LRP1B: variants seen among roughly 807,000 people sequenced by gnomAD.
The protein encoded by LRP1B is LDL receptor related protein 1B.
Under a neutral mutation model 556.6 loss-of-function variants are expected in LRP1B, and 217 were observed. The observed-to-expected ratio is 0.39, with a 90% CI of 0.35 to 0.44. The LOEUF is 0.44. Among genes scored for constraint, LRP1B ranks in the 20% least tolerant of loss-of-function variants. The probability of loss-of-function intolerance (pLI) is 1.00; values close to 1 mark genes in which losing one functional copy is unlikely to be tolerated. For synonymous variants in LRP1B, 2,047 were observed against 1,865.8 expected (o/e 1.10, Z -2.50); for missense variants, 5,053 against 5,620.8 (o/e 0.90, Z 3.23).
At chr2:142,040,158 G>T (rs1386883505) in intron 1 of LRP1B, among the ~76,000 whole-genome samples, 1 of 151,288 alleles carries the variant, frequency 6.6e-6, no homozygotes, top group Non-Finnish European at 1.5e-5. Flanking sequence ...TATATGTTTG[G>T]TGAACATAAT....
chr2:141,142,071 A>G (rs1237328112), intron 7 of LRP1B, among the ~76,000 whole-genome samples: 2 of 135,018 alleles, frequency 1.5e-5, no homozygotes. Context: ...TTATAAAGGC[A>G]TCAACAATCT....
chr2:140,775,685 A>T (rs972915228), intron 33 of LRP1B, among the ~76,000 whole-genome samples: 2 of 152,130 alleles, frequency 1.3e-5, no homozygotes, highest in Non-Finnish European at 2.9e-5. Flanking sequence ...AAAACAAAAA[A>T]GCAAAATGAT....
At chr2:141,312,419 A>G (rs1382074897) in intron 3 of LRP1B, among the ~76,000 whole-genome samples, 2 of 152,178 alleles carry the variant, frequency 1.3e-5, no homozygotes, top group African/African-American at 4.8e-5. Flanking sequence ...ATAACATACG[A>G]AATATGTGTT....
intron 46 of LRP1B, 152 bp from the exon 47 acceptor site, chr2:140,534,292 T>C: frequency 1.4e-6 from 1 of 736,268 alleles, no homozygotes; most frequent in Non-Finnish European, 2.1e-6. Flanking sequence ...TTAGAATGTT[T>C]ATGTGTTGTC....
At chr2:141,433,548 GTTGT>G (rs1216098199) in intron 3 of LRP1B, among the ~76,000 whole-genome samples, 3 of 152,046 alleles carry the variant, frequency 2.0e-5, no homozygotes, top group African/African-American at 7.2e-5. Context: ...TTTTTGCTAA[GTTGT>G]TTGTTGATAG....
rs186522324 is a variant in LRP1B at position 141,414,904 on chromosome 2, T to C, written c.343+65492A>G. On this transcript the variant is annotated intron_variant, in intron 3 of 90. Transcript: ENST00000389484. ...TGCACATATCTGGGCCTCCCAGGAGTTTGACAAATCTGATAAAATTGAAGT... is the reference window on the plus strand; with the variant it reads ...TGCACATATCTGGGCCTCCCAGGAGCTTGACAAATCTGATAAAATTGAAGT... 3.1e-3 allele frequency among the ~76,000 whole-genome samples: 467 copies of C among 152,306 alleles called. 10 individuals carry two copies. The highest frequency in any genetic ancestry group is 9.6e-4 in the Non-Finnish European group (65 of 68,028).
At chr2:141,403,172 T>A (rs1690506858) in intron 3 of LRP1B, among the ~76,000 whole-genome samples, 2 of 152,086 alleles carry the variant, frequency 1.3e-5, no homozygotes, top group Admixed American at 1.3e-4. Flanking sequence ...TAAGCTACTG[T>A]CACCTATGTA....
intron 41 of LRP1B, among the ~76,000 whole-genome samples, chr2:140,684,961 C>T (rs1459115148): frequency 6.6e-6 from 1 of 152,104 alleles, no homozygotes; most frequent in African/African-American, 2.4e-5. Context: ...CTTATTTTTG[C>T]TACTCATACA....
rs1553440025 is a variant in LRP1B, at chr2:141,639,349, T to TACACAC, written c.206-158822_206-158817dup. On this transcript the variant is annotated intron_variant, in intron 2 of 90. Coordinates refer to ENST00000389484, the MANE Select transcript of LRP1B (RefSeq NM_018557.3). ...ATATATATATATATATATATATATATACACACACACACACATATATATATA... is the reference window on the plus strand; with the variant it reads ...ATATATATATATATATATATATATATACACACACACACACACACACATATATATATA... Among the ~76,000 whole-genome samples the TACACAC allele has an allele frequency of 4.4e-3, 248 of 56,014 alleles. 8 individuals are homozygous for TACACAC. Among genetic ancestry groups the TACACAC allele is most frequent in the African/African-American group, 9.9e-3 (147 of 14,798 alleles). 36.7% of individuals were successfully genotyped at this position (56,014 alleles called of 152,430 possible).
intron 3 of LRP1B, among the ~76,000 whole-genome samples, chr2:141,372,485 ATTTGG>A (rs1222907348): frequency 6.6e-6 from 1 of 152,052 alleles, no homozygotes; most frequent in Non-Finnish European, 1.5e-5. Context: ...GTTTGGTAGA[ATTTGG>A]CTGTGCATCC....
chr2:140,351,116 T>A (rs533088948), intron 76 of LRP1B, 78 bp from the exon 77 acceptor site: 6 of 945,936 alleles, frequency 6.3e-6, no homozygotes, highest in Non-Finnish European at 9.4e-6. Flanking sequence ...ACTTTTAAAT[T>A]ATCTTGAATT....
chr2:141,064,476 T>A lies in LRP1B; in HGVS notation c.1014-2203A>T, dbSNP rs114925937. 3.8e-3 allele frequency among the ~76,000 whole-genome samples: 575 copies of A among 152,056 alleles called. 3 individuals carry two copies. The highest frequency in any genetic ancestry group is 6.7e-3 in the Non-Finnish European group (456 of 67,882). On this transcript the variant is annotated intron_variant, in intron 7 of 90. Transcript: ENST00000389484. ...TTCTAAATCATAAAACGGATTGAGA[T>A]AACTCTCTAAGTTTCTGCTAAGCAT...
At chr2:141,041,206 G>A (rs573658180) in intron 11 of LRP1B, among the ~76,000 whole-genome samples, 3 of 152,084 alleles carry the variant, frequency 2.0e-5, no homozygotes, top group Non-Finnish European at 4.4e-5. Context: ...CATACGTAAA[G>A]TCAGTATATC....
intron 3 of LRP1B, among the ~76,000 whole-genome samples, chr2:141,358,336 A>G (rs931014029): frequency 5.3e-5 from 8 of 152,212 alleles, no homozygotes; most frequent in African/African-American, 1.7e-4. Context: ...AGCAGTAACA[A>G]TGAAACCAAT....
chr2:141,309,290 C>T (rs1686720491), intron 3 of LRP1B, among the ~76,000 whole-genome samples: 1 of 152,142 alleles, frequency 6.6e-6, no homozygotes, highest in Non-Finnish European at 1.5e-5. Context: ...GTCTTTGTTC[C>T]ACTTTTAAAA....
chr2:141,472,007 C>A (rs1326373934), intron 3 of LRP1B, among the ~76,000 whole-genome samples: 2 of 152,132 alleles, frequency 1.3e-5, no homozygotes, highest in Non-Finnish European at 1.5e-5. Flanking sequence ...GTCTCTTCAA[C>A]TGGGGAGAGA....
intron 20 of LRP1B, among the ~76,000 whole-genome samples, chr2:140,946,518 G>A (rs1396282169): frequency 2.6e-5 from 4 of 151,892 alleles, no homozygotes; most frequent in Admixed American, 6.6e-5. Flanking sequence ...TGAGAGTTGC[G>A]TGAACCCAGG....
intron 60 of LRP1B, among the ~76,000 whole-genome samples, chr2:140,464,088 C>A (rs558626012): frequency 1.3e-5 from 2 of 151,770 alleles, no homozygotes; most frequent in African/African-American, 4.8e-5. Flanking sequence ...CCCAGCTACT[C>A]GGGAGGCTGG....
chr2:141,419,956 C>G (rs377090845), intron 3 of LRP1B, among the ~76,000 whole-genome samples: 1 of 152,080 alleles, frequency 6.6e-6, no homozygotes, highest in Admixed American at 6.5e-5. Context: ...GAAGAATGTT[C>G]TGTGTACTTG....
Sources: allele counts gnomAD v4.1 joint callset (sites outside exome capture counted in the v4.1 genomes callset), GRCh38; gene constraint gnomAD v4.1.1; transcripts MANE v1.5; gene names NCBI Gene and HGNC (gene_info 2026-07-23, HGNC 2026-07-21).